SYCP1: variants seen among roughly 807,000 people sequenced by gnomAD.
SYCP1 encodes the protein cancer/testis antigen 8.
Under a neutral mutation model 153.1 loss-of-function variants are expected in SYCP1, and 64 were observed. The ratio of observed to expected loss-of-function variants is 0.42; its 90% CI spans 0.34 to 0.51. The LOEUF is 0.51. Ranked by LOEUF, SYCP1 falls within the 20% of genes least tolerant of loss-of-function variation. SYCP1 has a pLI of 0.06. For synonymous variants in SYCP1, 384 were observed against 341.8 expected, an observed-to-expected ratio of 1.12 and a Z score of -1.36; for missense variants, 997 against 1,049.0, an observed-to-expected ratio of 0.95 and a Z score of 0.68.
intron 23 of SYCP1, among the ~76,000 whole-genome samples, chr1:114,938,605 G>GA (rs894230928): frequency 6.0e-5 from 9 of 150,694 alleles, no homozygotes; most frequent in East Asian, 3.9e-4. Context: ...TTTGATAAAG[G>GA]AAAAAAAAGA....
At position 114,858,772 on chromosome 1, in the gene SYCP1, A is replaced by G. The variant is rs1664179012; in HGVS notation, c.456+61A>G. On this transcript the variant is annotated intron_variant, in intron 6 of 31. Coordinates refer to ENST00000369522, the MANE Select transcript of SYCP1 (RefSeq NM_003176.4). ...TAAATCTAATCATAATACTGTTGAA[A>G]GTAGAGTATTAGTTGGGATAAATTG... 5 of 1,353,918 alleles carry G rather than the reference A, an allele frequency of 3.7e-6. No individual in the cohort carries two copies. The East Asian group carries it at 1.2e-4, about 31-fold the overall frequency. The allele number at this position is 1,353,918 out of a possible 1,614,324, so 83.9% of individuals were successfully genotyped here.
chr1:114,929,863 A>T (rs1669513967), intron 23 of SYCP1, among the ~76,000 whole-genome samples: 2 of 152,072 alleles, frequency 1.3e-5, no homozygotes, highest in African/African-American at 4.8e-5. Context: ...TTTAAATGAT[A>T]TTTATAGAAC....
chr1:114,953,251 A>G (rs1385656334), intron 27 of SYCP1, among the ~76,000 whole-genome samples: 2 of 152,210 alleles, frequency 1.3e-5, no homozygotes, highest in East Asian at 1.9e-4. Context: ...TTGCCAGTGT[A>G]TGCTCCCAGT....
intron 20 of SYCP1, among the ~76,000 whole-genome samples, chr1:114,921,080 G>C (rs1307595645): frequency 6.6e-6 from 1 of 151,602 alleles, no homozygotes; most frequent in African/African-American, 2.4e-5. Flanking sequence ...TTTCCTTTTA[G>C]TGAAGGCAAT....
chr1:114,924,926 G>A (rs1669157044), intron 21 of SYCP1, among the ~76,000 whole-genome samples: 1 of 152,072 alleles, frequency 6.6e-6, no homozygotes, highest in African/African-American at 2.4e-5. Context: ...AATAGTTCAA[G>A]GATGAAATAA....
chr1:114,879,020 T>C (rs888717146), intron 12 of SYCP1, among the ~76,000 whole-genome samples: 2 of 152,132 alleles, frequency 1.3e-5, no homozygotes, highest in Non-Finnish European at 2.9e-5. Flanking sequence ...GTGCAAGTCA[T>C]GGAAGTAGGA....
In SYCP1 at chr1:114,899,798, T is replaced by C. The variant is rs189100629; in HGVS notation, c.1320+4289T>C. Among the ~76,000 whole-genome samples, 104 of 152,310 alleles carry C rather than the reference T, an allele frequency of 6.8e-4. No homozygotes were observed. In the East Asian group the frequency reaches 0.015, roughly 22 times the overall value. On this transcript the variant is annotated intron_variant, in intron 16 of 31. Coordinates refer to ENST00000369522, the MANE Select transcript of SYCP1 (RefSeq NM_003176.4). Reference sequence around the variant, plus strand: ...ATTGAACACCATTTTGGCAATCCTATGTAAGTAAACATGTCACATAATCCT... The same window carrying C: ...ATTGAACACCATTTTGGCAATCCTACGTAAGTAAACATGTCACATAATCCT...
At chr1:114,872,578 T>C (rs1557759671) in intron 8 of SYCP1, among the ~76,000 whole-genome samples, 2 of 152,178 alleles carry the variant, frequency 1.3e-5, no homozygotes, top group Admixed American at 1.3e-4. Flanking sequence ...CTGAAATTAA[T>C]TTAGGGAAAA....
At chr1:114,900,514 C>T (rs531464110) in intron 16 of SYCP1, among the ~76,000 whole-genome samples, 1 of 152,350 alleles carries the variant, frequency 6.6e-6, no homozygotes, top group Admixed American at 6.5e-5. Flanking sequence ...TTCCTGACCA[C>T]AAGTGATCCA....
At chr1:114,962,105 G>A (rs1671821458) in intron 27 of SYCP1, among the ~76,000 whole-genome samples, 1 of 151,530 alleles carries the variant, frequency 6.6e-6, no homozygotes, top group South Asian at 2.1e-4. Context: ...AGCCGCCTGA[G>A]TAGAGTAGCT....
intron 9 of SYCP1, among the ~76,000 whole-genome samples, chr1:114,875,291 G>T (rs1337210191): frequency 2.2e-5 from 3 of 134,976 alleles, no homozygotes; most frequent in Non-Finnish European, 4.7e-5. Context: ...GAGACAGTCT[G>T]GCTCTGTCGC....
intron 27 of SYCP1, among the ~76,000 whole-genome samples, chr1:114,957,505 A>G (rs1005050762): frequency 2.6e-5 from 4 of 152,224 alleles, no homozygotes; most frequent in South Asian, 2.1e-4. Context: ...AGAAAAATCA[A>G]CCCTTGGAAT....
At chr1:114,902,541 G>A (rs1557785022) in intron 16 of SYCP1, among the ~76,000 whole-genome samples, 1 of 150,642 alleles carries the variant, frequency 6.6e-6, no homozygotes, top group Non-Finnish European at 1.5e-5. Context: ...CCACATAAGA[G>A]CAGGAGGGGT....
intron 28 of SYCP1, 33 bp downstream of exon 28, chr1:114,977,649 A>G: frequency 7.5e-7 from 1 of 1,325,354 alleles, no homozygotes; most frequent in Non-Finnish European, 1.0e-6. Context: ...GTTTTAAAAT[A>G]CCAATTCATT....
At chr1:114,884,060 GA>G (rs936027651) in intron 12 of SYCP1, among the ~76,000 whole-genome samples, 1 of 152,108 alleles carries the variant, frequency 6.6e-6, no homozygotes. Flanking sequence ...AGTTTTTTCA[GA>G]ATGGAATTTT....
chr1:114,914,868 A>G (rs904599263), intron 20 of SYCP1, among the ~76,000 whole-genome samples: 20 of 152,156 alleles, frequency 1.3e-4, no homozygotes, highest in African/African-American at 4.1e-4. Flanking sequence ...ATGATGGTGC[A>G]GACTAAGTCA....
At chr1:114,925,830 A>C (rs1669215938) in intron 21 of SYCP1, among the ~76,000 whole-genome samples, 2 of 152,216 alleles carry the variant, frequency 1.3e-5, no homozygotes, top group Non-Finnish European at 2.9e-5. Flanking sequence ...TATAAGTAAC[A>C]TGAAAATGAT....
chr1:114,888,431 A>G (rs182445940), intron 15 of SYCP1, among the ~76,000 whole-genome samples: 15 of 152,060 alleles, frequency 9.9e-5, no homozygotes, highest in Admixed American at 3.3e-4. Context: ...CTAAAATATT[A>G]TCTAGTATCG....
chr1:114,891,830 G>GA (rs1666722490), intron 15 of SYCP1, among the ~76,000 whole-genome samples: 2 of 152,182 alleles, frequency 1.3e-5, no homozygotes, highest in Non-Finnish European at 2.9e-5. Flanking sequence ...GATATGTAAT[G>GA]AGGAATGTAA....
Sources: gnomAD v4.1 joint callset for allele counts (sites outside exome capture counted in the v4.1 genomes callset) on GRCh38, gnomAD v4.1.1 for gene constraint, MANE v1.5 for transcripts, NCBI Gene and HGNC (gene_info 2026-07-23, HGNC 2026-07-21) for gene names.